IQSEC1: variants seen among roughly 807,000 people sequenced by gnomAD.
The protein encoded by IQSEC1 is IQ motif and Sec7 domain ArfGEF 1.
Under a neutral mutation model 91.0 loss-of-function variants are expected in IQSEC1, and 31 were observed. The observed-to-expected ratio is 0.34, with a 90% CI of 0.26 to 0.46. The LOEUF (loss-of-function observed/expected upper bound fraction) is 0.46. Ranked by LOEUF, IQSEC1 falls within the 20% of genes least tolerant of loss-of-function variation. The pLI, the probability that IQSEC1 is intolerant of heterozygous loss-of-function variation, is 1.00. For missense variants in IQSEC1, 1,388 were observed against 1,575.6 expected, an observed-to-expected ratio of 0.88 and a Z score of 2.02; for synonymous variants, 699 against 662.6, an observed-to-expected ratio of 1.05 and a Z score of -0.84.
chr3:13,199,874 CCA>C lies in IQSEC1; in HGVS notation c.273-35743_273-35742del, dbSNP rs796695094. Reference sequence around the variant, plus strand: ...GAAACCAGCACACCACACACATATGCCACACACACACACCACACACACACACA... The same window carrying C: ...GAAACCAGCACACCACACACATATGCCACACACACACCACACACACACACA... On this transcript the variant is annotated intron_variant, in intron 1 of 15. Transcript: ENST00000648114. 2.0e-3 allele frequency among the ~76,000 whole-genome samples: 308 copies of C among 151,280 alleles called. 1 individual carries two copies. Among genetic ancestry groups the C allele is most frequent in the African/African-American group, 6.4e-3 (264 of 41,238 alleles).
intron 1 of IQSEC1, among the ~76,000 whole-genome samples, chr3:13,221,199 G>A (rs555210306): frequency 1.8e-4 from 28 of 152,254 alleles, no homozygotes; most frequent in East Asian, 9.7e-4. Flanking sequence ...TCCAGGCCCC[G>A]CCCTGGTCAC....
intron 1 of IQSEC1, among the ~76,000 whole-genome samples, chr3:13,252,060 T>C (rs1695202507): frequency 6.6e-6 from 1 of 152,116 alleles, no homozygotes; most frequent in Non-Finnish European, 1.5e-5. Context: ...ACAAAACGTA[T>C]CATCTTACTC....
At chr3:12,921,253 G>A (rs551317298) in intron 5 of IQSEC1, among the ~76,000 whole-genome samples, 19 of 152,292 alleles carry the variant, frequency 1.2e-4, no homozygotes, top group African/African-American at 3.4e-4. Flanking sequence ...AGGCTCAGGA[G>A]CCCAGCTTAG....
intron 1 of IQSEC1, among the ~76,000 whole-genome samples, chr3:13,021,537 C>T (rs915223343): frequency 6.6e-6 from 1 of 152,200 alleles, no homozygotes; most frequent in Non-Finnish European, 1.5e-5. Context: ...GAGGTGAAGC[C>T]GCTTCACACC....
chr3:13,030,778 G>C (rs2125007928), intron 1 of IQSEC1, among the ~76,000 whole-genome samples: 1 of 152,368 alleles, frequency 6.6e-6, no homozygotes, highest in South Asian at 2.1e-4. Flanking sequence ...CTTTGGGAGA[G>C]CTGAACATGA....
intron 2 of IQSEC1, among the ~76,000 whole-genome samples, chr3:13,086,440 A>G (rs554956851): frequency 1.4e-4 from 21 of 152,298 alleles, no homozygotes; most frequent in African/African-American, 5.1e-4. Flanking sequence ...ACTGGCACAC[A>G]GAGCCACCTG....
intron 2 of IQSEC1, among the ~76,000 whole-genome samples, chr3:13,090,565 A>T (rs983907238): frequency 3.9e-5 from 6 of 152,106 alleles, no homozygotes; most frequent in Admixed American, 2.6e-4. Context: ...ATGCTCATGG[A>T]GTCTGTGGGG....
chr3:12,976,632 C>G, intron 1 of IQSEC1, among the ~76,000 whole-genome samples: 1 of 152,198 alleles, frequency 6.6e-6, no homozygotes. Context: ...TCTGTCTCAT[C>G]GATTCCCTTT....
chr3:13,227,433 AT>A (rs1381766409), intron 1 of IQSEC1, among the ~76,000 whole-genome samples: 1 of 151,866 alleles, frequency 6.6e-6, no homozygotes, highest in Non-Finnish European at 1.5e-5. Flanking sequence ...GAAAAAAAAA[AT>A]CCTGCCCTCT....
At chr3:13,263,939 CG>C (rs1695439647) in intron 1 of IQSEC1, among the ~76,000 whole-genome samples, 1 of 152,190 alleles carries the variant, frequency 6.6e-6, no homozygotes, top group African/African-American at 2.4e-5. Flanking sequence ...CTGGCCCAGC[CG>C]GTCTCTGGAT....
chr3:13,011,623 G>A (rs1318115492), intron 1 of IQSEC1, among the ~76,000 whole-genome samples: 1 of 152,210 alleles, frequency 6.6e-6, no homozygotes, highest in African/African-American at 2.4e-5. Context: ...AACATTCACT[G>A]TGTAAACTCG....
At chr3:13,036,851 T>C (rs987219702) in intron 1 of IQSEC1, among the ~76,000 whole-genome samples, 4 of 152,220 alleles carry the variant, frequency 2.6e-5, no homozygotes, top group South Asian at 2.1e-4. Context: ...AGGAGATCAG[T>C]TGGCACCTTG....
chr3:13,120,677 A>G (rs1218358271), intron 2 of IQSEC1, among the ~76,000 whole-genome samples: 1 of 152,172 alleles, frequency 6.6e-6, no homozygotes, highest in African/African-American at 2.4e-5. Context: ...GCACCAAGGG[A>G]GGAGGGCCGA....
At chr3:13,150,984 G>T (rs1008042687) in intron 2 of IQSEC1, among the ~76,000 whole-genome samples, 1 of 152,216 alleles carries the variant, frequency 6.6e-6, no homozygotes. Context: ...GTCATCCCAG[G>T]GGGGCTGCCC....
intron 1 of IQSEC1, among the ~76,000 whole-genome samples, chr3:12,968,412 A>G (rs1700741642): frequency 1.3e-5 from 2 of 152,186 alleles, no homozygotes; most frequent in African/African-American, 4.8e-5. Flanking sequence ...ACAAGCTTAA[A>G]GTAATACTAA....
chr3:13,135,890 C>T (rs533758887), intron 2 of IQSEC1, among the ~76,000 whole-genome samples: 10 of 152,310 alleles, frequency 6.6e-5, no homozygotes, highest in African/African-American at 2.2e-4. Flanking sequence ...TCCTCCTGTG[C>T]GCAGACCCCG....
At chr3:13,005,276 G>T (rs1268493238) in intron 1 of IQSEC1, among the ~76,000 whole-genome samples, 3 of 152,180 alleles carry the variant, frequency 2.0e-5, no homozygotes, top group Non-Finnish European at 4.4e-5. Context: ...CGGTGTGGGG[G>T]AAGGATCAGA....
Position 13,152,000 on chromosome 3 carries a change from C to CA in IQSEC1, c.302+12103dup. Reference sequence around the variant, plus strand: ...AAAACAACAACAACAAAAACAAAAACAAAAAAAGAGAGAGTTCTATTCCTC... The same window carrying CA: ...AAAACAACAACAACAAAAACAAAAACAAAAAAAAGAGAGAGTTCTATTCCTC... On this transcript the variant is annotated intron_variant, in intron 2 of 15. Transcript: ENST00000648114. 2.0e-5 allele frequency among the ~76,000 whole-genome samples: 3 copies of CA among 151,932 alleles called. 1 individual carries two copies. Among genetic ancestry groups the CA allele is most frequent in the Middle Eastern group, 6.8e-3 (2 of 294 alleles).
intron 2 of IQSEC1, among the ~76,000 whole-genome samples, chr3:13,139,205 G>T (rs1706760099): frequency 6.6e-6 from 1 of 152,186 alleles, no homozygotes; most frequent in African/African-American, 2.4e-5. Flanking sequence ...TGATTCTCCA[G>T]CATCACTGCC....
Sources: allele counts gnomAD v4.1 joint callset (sites outside exome capture counted in the v4.1 genomes callset), GRCh38; gene constraint gnomAD v4.1.1; transcripts MANE v1.5; gene names NCBI Gene and HGNC (gene_info 2026-07-23, HGNC 2026-07-21).